GNPTAB: variants seen among roughly 807,000 people sequenced by gnomAD.
The protein encoded by GNPTAB is N-acetylglucosamine-1-phosphotransferase subunits alpha/beta.
A neutral mutation model predicts 136.6 loss-of-function variants in GNPTAB; 92 were observed. The ratio of observed to expected loss-of-function variants is 0.67; its 90% CI spans 0.57 to 0.80. GNPTAB has a LOEUF of 0.80. Ranked by LOEUF, GNPTAB falls within the 30% of genes least tolerant of loss-of-function variation. The pLI, the probability that GNPTAB is intolerant of heterozygous loss-of-function variation, is 0.00. For synonymous variants in GNPTAB, 512 were observed against 535.1 expected (o/e 0.96, Z 0.60); for missense variants, 1,343 against 1,501.8 (o/e 0.89, Z 1.75).
intron 7 of GNPTAB, among the ~76,000 whole-genome samples, chr12:101,775,837 A>G (rs1953255619): frequency 6.6e-6 from 1 of 152,218 alleles, no homozygotes; most frequent in Admixed American, 6.5e-5. Flanking sequence ...CATTAGTAGA[A>G]AATTATGACA....
At chr12:101,789,208 AG>A (rs1245003891) in intron 3 of GNPTAB, among the ~76,000 whole-genome samples, 2 of 152,110 alleles carry the variant, frequency 1.3e-5, no homozygotes, top group Non-Finnish European at 2.9e-5. Flanking sequence ...GGGTTGGGGG[AG>A]GGGGTCCTCT....
chr12:101,805,232 G>A (rs1450652752), intron 1 of GNPTAB, among the ~76,000 whole-genome samples: 1 of 152,088 alleles, frequency 6.6e-6, no homozygotes, highest in African/African-American at 2.4e-5. Context: ...ATGAAGTTTT[G>A]CACAATATCT....
At chr12:101,770,232 C>T in intron 9 of GNPTAB, 41 bp from the exon 10 acceptor site, 1 of 1,604,822 alleles carries the variant, frequency 6.2e-7, no homozygotes, top group Non-Finnish European at 8.5e-7. Flanking sequence ...TGAATGAGAG[C>T]TGTTTGGGTT....
intron 1 of GNPTAB, among the ~76,000 whole-genome samples, chr12:101,822,754 A>G (rs770882340): frequency 1.1e-4 from 17 of 152,226 alleles, no homozygotes; most frequent in Non-Finnish European, 1.8e-4. Flanking sequence ...TGTAGTGTGA[A>G]GTGACCACAG....
At chr12:101,761,398 A>G in intron 14 of GNPTAB, 52 bp from the exon 15 acceptor site, 1 of 1,551,072 alleles carries the variant, frequency 6.4e-7, no homozygotes, top group Non-Finnish European at 8.9e-7. Flanking sequence ...TATGTACCGT[A>G]TCTAACATTT....
At chr12:101,795,270 C>T (rs1869213287) in intron 2 of GNPTAB, among the ~76,000 whole-genome samples, 1 of 152,162 alleles carries the variant, frequency 6.6e-6, no homozygotes, top group Non-Finnish European at 1.5e-5. Context: ...TTCTTAAGCC[C>T]TCCACTGCAA....
intron 1 of GNPTAB, among the ~76,000 whole-genome samples, chr12:101,824,425 TATATATATTTTC>T (rs1566103045): frequency 9.1e-6 from 1 of 110,410 alleles, no homozygotes; most frequent in African/African-American, 3.4e-5. Context: ...TATATATATA[TATATATATTTTC>T]TTTTTTTTTT....
At chr12:101,747,287 G>T in intron 20 of GNPTAB, 46 bp from the exon 21 acceptor site, 1 of 1,120,446 alleles carries the variant, frequency 8.9e-7, no homozygotes, top group Non-Finnish European at 1.4e-6. Context: ...TCACGTTGAT[G>T]AAAGAATATA....
In GNPTAB at chr12:101,786,112, A is replaced by G; in HGVS notation, c.471T>C (p.Leu157=). 6.2e-7 allele frequency: 1 copy of G among 1,614,112 alleles called. No individual in the cohort carries two copies. Residue 157 remains leucine (L), a synonymous_variant, in exon 5 of 21, where the codon CTT becomes CTC. Transcript: ENST00000299314. The part of the protein sequence containing the change: ...ANITLKDLPS[L]YPSFHSASDI... ...CACTGGCAGAATGAAAAGAAGGATA[A>G]AGAGATGGCAGGTCCTTCAGGGTGA...
At position 101,775,885 on chromosome 12, in the gene GNPTAB, G is replaced by T. The variant is rs560308483; in HGVS notation, c.771+4267C>A. Among the ~76,000 whole-genome samples, 5 of 151,884 alleles carry T rather than the reference G, an allele frequency of 3.3e-5. 1 individual carries two copies. Among genetic ancestry groups the T allele is most frequent in the African/African-American group, 7.2e-5 (3 of 41,510 alleles). On this transcript the variant is annotated intron_variant, in intron 7 of 20. Transcript: ENST00000299314. Reference sequence around the variant, plus strand: ...CTTAGGCCCTGACCAGAGCTTTGAGGGGGGCAGAGTCCATGCAGGACAATA... The same window carrying T: ...CTTAGGCCCTGACCAGAGCTTTGAGTGGGGCAGAGTCCATGCAGGACAATA...
chr12:101,764,325 T>C lies in GNPTAB; in HGVS notation c.2592A>G (p.Glu864=), dbSNP rs758142856. The part of the protein sequence containing the change: ...GKEKENSRME[E]NAENHIGVTE... Reference sequence around the variant, plus strand: ...TAACGCCTATGTGATTTTCAGCATTTTCCTCCATTCTACTGTTCTCTTTTT... The same window carrying C: ...TAACGCCTATGTGATTTTCAGCATTCTCCTCCATTCTACTGTTCTCTTTTT... Residue 864 remains glutamate (E), a synonymous_variant, in exon 13 of 21, where the codon GAA becomes GAG. Transcript: ENST00000299314. The C allele has an allele frequency of 6.2e-7, 1 of 1,614,044 alleles. No homozygotes were observed. Among genetic ancestry groups the C allele is most frequent in the Admixed American group, 1.7e-5 (1 of 59,986 alleles).
intron 15 of GNPTAB, 131 bp downstream of exon 15, chr12:101,760,996 G>A (rs1952983472): frequency 1.4e-6 from 1 of 711,484 alleles, no homozygotes; most frequent in African/African-American, 1.7e-5. Context: ...GCCCAGGTTG[G>A]TCTCGAACTC....
chr12:101,768,175 A>G lies in GNPTAB; in HGVS notation c.1285-15T>C. 6.2e-7 allele frequency: 1 copy of G among 1,613,710 alleles called. No individual in the cohort carries two copies. Among genetic ancestry groups the G allele is most frequent in the Non-Finnish European group, 8.5e-7 (1 of 1,179,628 alleles). On this transcript the variant is annotated splice_polypyrimidine_tract_variant and intron_variant, in intron 10 of 20. Transcript: ENST00000299314. Reference sequence around the variant, plus strand: ...GTCAAATAAACCTACGATAAAACCAAAGAGAAAATAAAATGACTTCTGGCT... The same window carrying G: ...GTCAAATAAACCTACGATAAAACCAGAGAGAAAATAAAATGACTTCTGGCT...
intron 1 of GNPTAB, among the ~76,000 whole-genome samples, chr12:101,809,286 C>G (rs925714431): frequency 6.5e-4 from 99 of 152,316 alleles, no homozygotes; most frequent in African/African-American, 2.2e-3. Flanking sequence ...ACTGACAACA[C>G]CAAGCCGGGA....
chr12:101,825,447 T>G (rs1267581720), intron 1 of GNPTAB, among the ~76,000 whole-genome samples: 1 of 152,208 alleles, frequency 6.6e-6, no homozygotes, highest in Non-Finnish European at 1.5e-5. Context: ...TTACTTGAAA[T>G]AAATTTGAAA....
At chr12:101,787,303 T>G (rs1433966596) in intron 4 of GNPTAB, among the ~76,000 whole-genome samples, 2 of 152,094 alleles carry the variant, frequency 1.3e-5, no homozygotes, top group Non-Finnish European at 2.9e-5. Context: ...CTATTAAAAC[T>G]GAAAGATATG....
chr12:101,749,673 T>C (rs1332418705), intron 19 of GNPTAB, among the ~76,000 whole-genome samples: 2 of 152,102 alleles, frequency 1.3e-5, no homozygotes, highest in African/African-American at 4.8e-5. Flanking sequence ...GTGAAAAACT[T>C]AGAGAAATGA....
rs562058695 is a variant in GNPTAB, at chr12:101,827,624, C to T, written c.117+2935G>A. Among the ~76,000 whole-genome samples, 11 of 152,242 alleles carry T rather than the reference C, an allele frequency of 7.2e-5. 1 individual carries two copies. The highest frequency in any genetic ancestry group is 5.9e-4 in the Admixed American group (9 of 15,284). The stretch of plus-strand genomic sequence containing the variant: ...GCTTATCAAAATACAGCATCAAATA[C>T]CTGTTATATTGAGAGGAGGAGACGA... On this transcript the variant is annotated intron_variant, in intron 1 of 20. Transcript: ENST00000299314.
chr12:101,769,715 C>T (rs1296863531), intron 10 of GNPTAB, among the ~76,000 whole-genome samples: 1 of 152,068 alleles, frequency 6.6e-6, no homozygotes, highest in African/African-American at 2.4e-5. Flanking sequence ...CCATCTTGGC[C>T]AGTGACCCCC....
Sources: allele counts gnomAD v4.1 joint callset (sites outside exome capture counted in the v4.1 genomes callset), GRCh38; gene constraint gnomAD v4.1.1; transcripts MANE v1.5; gene names NCBI Gene and HGNC (gene_info 2026-07-23, HGNC 2026-07-21).